The following AMPD3 variants were observed in gnomAD, a reference collection of about 807,000 sequenced individuals.
The protein encoded by AMPD3 is AMP deaminase 3.
In AMPD3, 57 loss-of-function variants were observed where a neutral mutation model predicts 82.3. The observed-to-expected ratio is 0.69, with a 90% CI of 0.56 to 0.86. The LOEUF is 0.86. AMPD3 is among the 40% of genes least tolerant of loss of function. AMPD3 has a pLI of 0.00. For missense variants in AMPD3, 870 were observed against 1,003.8 expected (o/e 0.87, Z 1.80); for synonymous variants, 381 against 394.7 (o/e 0.97, Z 0.41).
chr11:10,500,509 G>A lies in AMPD3; in HGVS notation c.1721+260G>A, dbSNP rs1024589520. ...TACAGACATATGTCATGTACAGTAT[G>A]CAATGCAGCCACAGTCCACACGTGT... On this transcript the variant is annotated intron_variant, in intron 11 of 14. Coordinates refer to ENST00000396553, the MANE Select transcript of AMPD3 (RefSeq NM_001025389.2). 1.6e-5 allele frequency: 12 copies of A among 744,124 alleles called. No individual in the cohort carries two copies. The African/African-American group carries it at 1.9e-4, about 12-fold the overall frequency. The allele number at this position is 744,124 out of a possible 1,614,324, so 46.1% of individuals were successfully genotyped here. A position where few individuals can be genotyped will look rare whatever the true frequency, so the allele number is the denominator to read the frequency against.
chr11:10,478,197 C>T (rs974226672), intron 2 of AMPD3: 3 of 985,220 alleles, frequency 3.0e-6, no homozygotes, highest in African/African-American at 1.7e-5. Context: ...CCTCTAGTGC[C>T]CTGTGGTTTT....
chr11:10,494,086 T>C (rs1564853368), intron 7 of AMPD3, among the ~76,000 whole-genome samples: 1 of 152,320 alleles, frequency 6.6e-6, no homozygotes, highest in East Asian at 1.9e-4. Flanking sequence ...CAGCCGGTGT[T>C]CATCAACAGA....
rs77299060 is a variant in AMPD3, at chr11:10,479,619, G to A, written c.426+889G>A. 9.5e-4 allele frequency among the ~76,000 whole-genome samples: 144 copies of A among 152,228 alleles called. 2 individuals are homozygous for A. In the East Asian group the frequency reaches 0.024, roughly 25 times the overall value. ...TTCTCCTCCTCAGAGGCAACCACTG[G>A]TTTTAGTTTCTTATGTATTCTCACA... is the stretch of plus-strand genomic sequence containing the variant. On this transcript the variant is annotated intron_variant, in intron 3 of 14. Coordinates refer to ENST00000396553, the MANE Select transcript of AMPD3 (RefSeq NM_001025389.2).
intron 2 of AMPD3, among the ~76,000 whole-genome samples, chr11:10,472,707 G>A (rs186453850): frequency 1.3e-5 from 2 of 152,188 alleles, no homozygotes; most frequent in African/African-American, 2.4e-5. Context: ...CCCTTTTAAA[G>A]TTAGGGAGAG....
intron 11 of AMPD3, chr11:10,500,555 A>T (rs1361655800): frequency 1.0e-6 from 1 of 962,198 alleles, no homozygotes. Flanking sequence ...ATATGTACAC[A>T]CACCAGGGCA....
At chr11:10,474,474 G>T (rs1475284019) in intron 2 of AMPD3, among the ~76,000 whole-genome samples, 1 of 152,186 alleles carries the variant, frequency 6.6e-6, no homozygotes, top group Non-Finnish European at 1.5e-5. Flanking sequence ...GGCCCTGGGA[G>T]CCTGATTCCC....
chr11:10,469,135 C>G (rs1482064701), intron 2 of AMPD3, among the ~76,000 whole-genome samples: 1 of 151,768 alleles, frequency 6.6e-6, no homozygotes, highest in African/African-American at 2.4e-5. Context: ...CAAGAAATAA[C>G]TAAGATCAGA....
chr11:10,463,425 T>G (rs1193896737), intron 2 of AMPD3, among the ~76,000 whole-genome samples: 1 of 152,196 alleles, frequency 6.6e-6, no homozygotes, highest in East Asian at 1.9e-4. Flanking sequence ...CCCAGCAGTG[T>G]GCTCATCCCT....
At chr11:10,453,380 A>G (rs560392720), upstream of AMPD3, among the ~76,000 whole-genome samples, 260 of 152,336 alleles carry the variant, frequency 1.7e-3, 1 homozygote, top group African/African-American at 5.8e-3. Flanking sequence ...TACTTGCTGA[A>G]TGTCGACCAT....
rs763590271 is a variant in AMPD3 at position 10,500,110 on chromosome 11, G to A, written c.1582G>A (p.Asp528Asn). 6.2e-7 allele frequency: 1 copy of A among 1,614,184 alleles called. No individual in the cohort carries two copies. Among genetic ancestry groups the A allele is most frequent in the Non-Finnish European group, 8.5e-7 (1 of 1,180,032 alleles). Reference sequence around the variant, plus strand: ...GGTGACGGGGTTTGACAGCGTGGATGATGAGTCCAAGCACAGCGACCACAT... The same window carrying A: ...GGTGACGGGGTTTGACAGCGTGGATAATGAGTCCAAGCACAGCGACCACAT... ...KYVTGFDSVDDESKHSDHMFS... is the reference protein window; with the variant it reads ...KYVTGFDSVDNESKHSDHMFS... Residue 528 changes from aspartate to asparagine, a missense_variant, in exon 11 of 15, where the codon GAT becomes AAT. Asp to Asn is a conservative substitution (Grantham distance 23). Transcript: ENST00000396553.
At chr11:10,473,511 A>G in intron 2 of AMPD3, 1 of 985,298 alleles carries the variant, frequency 1.0e-6, no homozygotes, top group Non-Finnish European at 1.2e-6. Context: ...AGAGGAGCTC[A>G]GGGAGAGACA....
chr11:10,461,696 G>A lies in AMPD3; in HGVS notation c.177G>A (p.Leu59=), dbSNP rs150672366. The change falls in exon 2 of 15, where the codon CTG becomes CTA. Residue 59 remains leucine (L), a synonymous_variant. Coordinates refer to ENST00000396553, the MANE Select transcript of AMPD3 (RefSeq NM_001025389.2). The part of the protein sequence containing the change: ...IGQKEAKERE[L]QKELAEQKSV... ...AAAAGGAAGCCAAGGAGAGGGAGCT[G>A]CAGAAGGAGCTGGCAGAGCAGAAGT... The A allele has an allele frequency of 1.2e-6, 2 of 1,614,144 alleles. No individual in the cohort carries two copies. Among genetic ancestry groups the A allele is most frequent in the East Asian group, 2.2e-5 (1 of 44,882 alleles).
At chr11:10,500,809 G>T (rs1849558452) in intron 11 of AMPD3, 1 of 985,456 alleles carries the variant, frequency 1.0e-6, no homozygotes, top group Non-Finnish European at 1.2e-6. Flanking sequence ...CACAGACGAG[G>T]CACACGTGGC....
In AMPD3 at chr11:10,504,073, AT is replaced by A. The variant is rs905429117; in HGVS notation, c.2017-466del. The stretch of plus-strand genomic sequence containing the variant: ...ACCACTTATCCTATGATCACTTCTC[AT>A]TTTTTTTTTGATGTTCCATCTCTGC... On this transcript the variant is annotated intron_variant, in intron 13 of 14. Transcript: ENST00000396553. 4,976 of 818,330 alleles carry A rather than the reference AT, an allele frequency of 6.1e-3. 3 individuals carry two copies. The highest frequency in any genetic ancestry group is 0.011 in the African/African-American group (566 of 53,708). 50.7% of individuals were successfully genotyped at this position (818,330 alleles called of 1,614,324 possible).
At chr11:10,460,861 G>T in intron 1 of AMPD3, 1 of 984,464 alleles carries the variant, frequency 1.0e-6, no homozygotes, top group South Asian at 4.7e-5. Context: ...CGAGGAGGTG[G>T]ATAGAGAAAG....
upstream of AMPD3, chr11:10,450,974 C>G: frequency 1.3e-6 from 2 of 1,546,668 alleles, no homozygotes; most frequent in East Asian, 2.5e-5. Context: ...CTCTGCCCAG[C>G]GCGTCCCCTT....
upstream of AMPD3, among the ~76,000 whole-genome samples, chr11:10,454,471 T>C (rs1435112007): frequency 1.3e-5 from 2 of 152,192 alleles, no homozygotes; most frequent in African/African-American, 2.4e-5. Context: ...GTCAAATAAG[T>C]GCGTCGGGTT....
chr11:10,482,016 C>G, intron 3 of AMPD3, 47 bp from the exon 4 acceptor site: 1 of 1,612,228 alleles, frequency 6.2e-7, no homozygotes, highest in Non-Finnish European at 8.5e-7. Flanking sequence ...GGATGGCAGT[C>G]TCAGGCCTGC....
upstream of AMPD3, among the ~76,000 whole-genome samples, chr11:10,452,443 G>T (rs924066069): frequency 2.6e-5 from 4 of 152,072 alleles, no homozygotes; most frequent in African/African-American, 7.2e-5. Flanking sequence ...ACTGACTGGG[G>T]CATGGGAGGA....
Sources: allele counts gnomAD v4.1 joint callset (sites outside exome capture counted in the v4.1 genomes callset), GRCh38; gene constraint gnomAD v4.1.1; transcripts MANE v1.5; gene names NCBI Gene and HGNC (gene_info 2026-07-23, HGNC 2026-07-21).